GALNTL6: variants seen among roughly 807,000 people sequenced by gnomAD.
GALNTL6 encodes the protein polypeptide N-acetylgalactosaminyltransferase like 6.
Under a neutral mutation model 73.7 loss-of-function variants are expected in GALNTL6, and 46 were observed. That is an observed-to-expected ratio of 0.62 (90% CI 0.49 to 0.80). The LOEUF (loss-of-function observed/expected upper bound fraction) is 0.80. GALNTL6 is among the 30% of genes least tolerant of loss of function. The pLI is 0.00. For missense variants in GALNTL6, 604 were observed against 755.0 expected (o/e 0.80, Z 2.34); for synonymous variants, 259 against 263.7 (o/e 0.98, Z 0.17).
At chr4:172,942,874 G>A (rs910036885) in intron 9 of GALNTL6, among the ~76,000 whole-genome samples, 5 of 151,974 alleles carry the variant, frequency 3.3e-5, no homozygotes, top group African/African-American at 7.3e-5. Context: ...CCTACCTGTG[G>A]GCCATACATA....
chr4:172,544,126 T>G (rs1735670041), intron 5 of GALNTL6, among the ~76,000 whole-genome samples: 1 of 152,202 alleles, frequency 6.6e-6, no homozygotes, highest in Admixed American at 6.5e-5. Context: ...CAGAAAGCTG[T>G]TGTGCCACTT....
At chr4:172,250,010 A>G (rs1737801197) in intron 3 of GALNTL6, among the ~76,000 whole-genome samples, 1 of 152,146 alleles carries the variant, frequency 6.6e-6, no homozygotes, top group South Asian at 2.1e-4. Context: ...TGGCAGATCC[A>G]CTGACAGCTT....
chr4:172,342,489 T>A (rs1044040162), intron 4 of GALNTL6, among the ~76,000 whole-genome samples: 1 of 152,176 alleles, frequency 6.6e-6, no homozygotes. Context: ...GCCTTTCCAA[T>A]TAGATTGTAA....
At chr4:172,258,353 C>T (rs1738152882) in intron 3 of GALNTL6, among the ~76,000 whole-genome samples, 1 of 151,210 alleles carries the variant, frequency 6.6e-6, no homozygotes, top group Admixed American at 6.6e-5. Flanking sequence ...TGAAGTTGCA[C>T]ACAAACACGT....
chr4:172,884,607 C>G (rs1194074954), intron 8 of GALNTL6, among the ~76,000 whole-genome samples: 1 of 152,138 alleles, frequency 6.6e-6, no homozygotes, highest in Non-Finnish European at 1.5e-5. Context: ...CCTTGCTCTA[C>G]AGAAACTTTC....
At chr4:171,893,248 A>G (rs1275114248) in intron 2 of GALNTL6, among the ~76,000 whole-genome samples, 1 of 152,230 alleles carries the variant, frequency 6.6e-6, no homozygotes, top group African/African-American at 2.4e-5. Flanking sequence ...CTGAAGGGAT[A>G]TGAACTCCTT....
At chr4:172,700,949 G>GA (rs929289812) in intron 5 of GALNTL6, among the ~76,000 whole-genome samples, 10 of 151,466 alleles carry the variant, frequency 6.6e-5, no homozygotes, top group African/African-American at 9.7e-5. Context: ...CCATAAGAAG[G>GA]AAAAAAAAGT....
At chr4:172,366,734 T>G (rs981892114) in intron 5 of GALNTL6, among the ~76,000 whole-genome samples, 2 of 152,190 alleles carry the variant, frequency 1.3e-5, no homozygotes, top group Non-Finnish European at 2.9e-5. Context: ...ACAATTAAAT[T>G]TATCTAAAGA....
chr4:172,645,222 T>C (rs1446758843), intron 5 of GALNTL6, among the ~76,000 whole-genome samples: 3 of 151,996 alleles, frequency 2.0e-5, no homozygotes, highest in Non-Finnish European at 4.4e-5. Context: ...TATTCATCTT[T>C]TATTTCTTTA....
chr4:172,801,690 T>C (rs1740653885), intron 5 of GALNTL6, among the ~76,000 whole-genome samples: 1 of 152,212 alleles, frequency 6.6e-6, no homozygotes, highest in Non-Finnish European at 1.5e-5. Context: ...AGATGAAGAC[T>C]TGGTGTTTTG....
chr4:172,950,591 C>T (rs1291593945), intron 9 of GALNTL6, among the ~76,000 whole-genome samples: 4 of 152,040 alleles, frequency 2.6e-5, no homozygotes, highest in African/African-American at 4.8e-5. Context: ...GTGGATGGAG[C>T]GGAGTAAGAA....
intron 10 of GALNTL6, among the ~76,000 whole-genome samples, chr4:172,983,831 C>A (rs1751177642): frequency 6.6e-6 from 1 of 152,060 alleles, no homozygotes; most frequent in African/African-American, 2.4e-5. Context: ...ATTAGCATTA[C>A]AAATGGAGGA....
At chr4:172,885,864 A>AT (rs1745694079) in intron 8 of GALNTL6, among the ~76,000 whole-genome samples, 3 of 152,080 alleles carry the variant, frequency 2.0e-5, no homozygotes, top group Non-Finnish European at 4.4e-5. Context: ...ACACTTATTG[A>AT]TTTGTATACG....
At chr4:172,049,686 T>C (rs1304652092) in intron 2 of GALNTL6, among the ~76,000 whole-genome samples, 2 of 152,126 alleles carry the variant, frequency 1.3e-5, no homozygotes, top group African/African-American at 2.4e-5. Flanking sequence ...GTATTTCTAA[T>C]AAAAAATGCA....
chr4:171,993,448 C>G (rs946615068), intron 2 of GALNTL6, among the ~76,000 whole-genome samples: 1 of 152,096 alleles, frequency 6.6e-6, no homozygotes, highest in African/African-American at 2.4e-5. Context: ...GACAACGGAG[C>G]TGTGTCATGC....
intron 10 of GALNTL6, among the ~76,000 whole-genome samples, chr4:172,993,592 C>A (rs190254473): frequency 2.0e-5 from 3 of 152,306 alleles, no homozygotes; most frequent in Admixed American, 6.5e-5. Flanking sequence ...CTTGATATGG[C>A]CTGGACTGGC....
chr4:171,865,982 G>C (rs553403542), intron 2 of GALNTL6, among the ~76,000 whole-genome samples: 1 of 152,122 alleles, frequency 6.6e-6, no homozygotes, highest in Non-Finnish European at 1.5e-5. Context: ...TTATTATGAA[G>C]AGTTGGCATA....
Position 172,823,247 on chromosome 4 carries a change from T to G in GALNTL6, c.923+9524T>G, listed in dbSNP as rs1742043951. 2.0e-5 allele frequency among the ~76,000 whole-genome samples: 3 copies of G among 152,224 alleles called. No individual in the cohort carries two copies. The South Asian group carries it at 6.2e-4, about 32-fold the overall frequency. On this transcript the variant is annotated intron_variant, in intron 7 of 12. Transcript: ENST00000506823. ...GCCCGAGGCCTATATATTAGCTTCATTTCACTTCATTTTCTCACCCAAAGC... is the reference window on the plus strand; with the variant it reads ...GCCCGAGGCCTATATATTAGCTTCAGTTCACTTCATTTTCTCACCCAAAGC...
chr4:171,931,341 C>A (rs1054408303), intron 2 of GALNTL6, among the ~76,000 whole-genome samples: 1 of 152,128 alleles, frequency 6.6e-6, no homozygotes, highest in Non-Finnish European at 1.5e-5. Context: ...ACCACCACAA[C>A]CGGCCCAGCT....
Sources: gnomAD v4.1 joint callset for allele counts (sites outside exome capture counted in the v4.1 genomes callset) on GRCh38, gnomAD v4.1.1 for gene constraint, MANE v1.5 for transcripts, NCBI Gene and HGNC (gene_info 2026-07-23, HGNC 2026-07-21) for gene names.